The following ACCSL variants were observed in gnomAD, a reference collection of about 807,000 sequenced individuals.
ACCSL encodes the protein 1-aminocyclopropane-1-carboxylate synthase homolog (inactive) like, also known as probable inactive 1-aminocyclopropane-1-carboxylate synthase-like protein 2.
Under a neutral mutation model 61.7 loss-of-function variants are expected in ACCSL, and 55 were observed. The ratio of observed to expected loss-of-function variants is 0.89; its 90% CI spans 0.72 to 1.12. ACCSL has a LOEUF of 1.12. Among genes scored for constraint, ACCSL ranks in the 50% most tolerant of loss-of-function variants. ACCSL has a pLI of 0.00. For synonymous variants in ACCSL, 258 were observed against 264.3 expected (o/e 0.98, Z 0.23); for missense variants, 632 against 698.0 (o/e 0.91, Z 1.07).
the ACCSL span, among the ~76,000 whole-genome samples, chr11:43,963,771 T>C: frequency 6.6e-6 from 1 of 152,260 alleles, no homozygotes; most frequent in Non-Finnish European, 1.5e-5. Flanking sequence ...TGCATTGCTA[T>C]AATGAATGCC....
chr11:43,989,555 C>G, the ACCSL span, among the ~76,000 whole-genome samples: 1 of 152,246 alleles, frequency 6.6e-6, no homozygotes, highest in Non-Finnish European at 1.5e-5. Flanking sequence ...TTCCTCTGCC[C>G]CTCACTCCCA....
Position 44,056,077 on chromosome 11 carries a change from A to G in ACCSL, c.1177A>G (p.Thr393Ala). ...DSNRTHVIWG[T>A]SKDFGISGFR... Reference sequence around the variant, plus strand: ...CAACAGGACCCATGTGATCTGGGGTACCAGTAAGGTGAGCCATTGCTTTCT... The same window carrying G: ...CAACAGGACCCATGTGATCTGGGGTGCCAGTAAGGTGAGCCATTGCTTTCT... Residue 393 changes from threonine (T) to alanine (A), a missense_variant, in exon 10 of 14, where the codon ACC becomes GCC. By Grantham distance (58) the Thr-to-Ala change is moderately conservative. Transcript: ENST00000378832. 2 of 1,614,238 alleles carry G rather than the reference A, an allele frequency of 1.2e-6. No homozygotes were observed. The highest frequency in any genetic ancestry group is 1.1e-5 in the South Asian group (1 of 91,092).
chr11:44,000,948 G>C, the ACCSL span, among the ~76,000 whole-genome samples: 2 of 152,258 alleles, frequency 1.3e-5, no homozygotes, highest in South Asian at 2.1e-4. Flanking sequence ...CTGAGGCACC[G>C]ATAAGTTAAG....
intron 5 of ACCSL, 109 bp downstream of exon 5, chr11:44,051,828 TC>T: frequency 7.5e-7 from 1 of 1,337,934 alleles, no homozygotes; most frequent in African/African-American, 1.4e-5. Flanking sequence ...CAAGGCCTTT[TC>T]CCCAAAGTGG....
the ACCSL span, among the ~76,000 whole-genome samples, chr11:44,027,086 A>C: frequency 2.6e-5 from 4 of 152,146 alleles, no homozygotes; most frequent in African/African-American, 9.7e-5. Context: ...TCTGCTTGTT[A>C]GCTTACTGGT....
chr11:43,946,724 A>T, the ACCSL span, among the ~76,000 whole-genome samples: 5 of 152,192 alleles, frequency 3.3e-5, no homozygotes, highest in Admixed American at 6.5e-5. Context: ...TATAAAAGTG[A>T]TGTCTTATTT....
At chr11:44,033,612 A>AT in the ACCSL span, among the ~76,000 whole-genome samples, 1 of 152,130 alleles carries the variant, frequency 6.6e-6, no homozygotes, top group African/African-American at 2.4e-5. Flanking sequence ...CGGATTTGAA[A>AT]TGTGGGTGAC....
At chr11:44,003,382 G>T in the ACCSL span, among the ~76,000 whole-genome samples, 1 of 152,164 alleles carries the variant, frequency 6.6e-6, no homozygotes, top group African/African-American at 2.4e-5. Context: ...GCCTGGCATG[G>T]TGGCTCACAC....
the ACCSL span, among the ~76,000 whole-genome samples, chr11:43,974,255 T>C: frequency 6.6e-6 from 1 of 152,240 alleles, no homozygotes. Flanking sequence ...GTTGGCAGGA[T>C]TGGTTCCTTC....
Position 44,053,474 on chromosome 11 carries a change from C to G in ACCSL, c.1017C>G (p.Asp339Glu), listed in dbSNP as rs1166054675. ...CTCTGGGTGACATCTACTCCCCAGA[C>G]TCACTGATGAAATACCTGGAATTTG... is the stretch of plus-strand genomic sequence containing the variant. ...QNPLGDIYSPDSLMKYLEFAK... is the reference protein window; with the variant it reads ...QNPLGDIYSPESLMKYLEFAK... The change falls in exon 8 of 14, where the codon GAC (aspartate) becomes GAG (glutamate). Residue 339 changes from aspartate to glutamate, a missense_variant. Transcript: ENST00000378832. The G allele has an allele frequency of 6.2e-6, 10 of 1,614,168 alleles. No homozygotes were observed. The highest frequency in any genetic ancestry group is 8.5e-6 in the Non-Finnish European group (10 of 1,180,020).
At chr11:43,925,419 G>A in the ACCSL span, 5 of 456,088 alleles carry the variant, frequency 1.1e-5, no homozygotes, top group East Asian at 7.0e-5. Flanking sequence ...TCGTCTCCAC[G>A]CTGCACCAGC....
At chr11:43,996,103 G>T in the ACCSL span, among the ~76,000 whole-genome samples, 1 of 152,214 alleles carries the variant, frequency 6.6e-6, no homozygotes, top group African/African-American at 2.4e-5. Flanking sequence ...GCTCCCAGAA[G>T]CCAGGGGAAA....
chr11:43,996,406 C>T, the ACCSL span, among the ~76,000 whole-genome samples: 11 of 152,098 alleles, frequency 7.2e-5, no homozygotes, highest in African/African-American at 1.4e-4. Flanking sequence ...GAGATTGCCA[C>T]GCTCTGTTAA....
the ACCSL span, among the ~76,000 whole-genome samples, chr11:43,950,011 T>C: frequency 2.0e-5 from 3 of 152,346 alleles, no homozygotes; most frequent in South Asian, 4.1e-4. Flanking sequence ...CTGAGACAAA[T>C]GCATATCTGA....
chr11:44,037,859 T>TCATCCATCCGTGCATC, the ACCSL span, among the ~76,000 whole-genome samples: 60 of 132,206 alleles, frequency 4.5e-4, no homozygotes, highest in East Asian at 2.0e-3. Flanking sequence ...ATTATGGTAT[T>TCATCCATCCGTGCATC]CATCCATCCA....
the ACCSL span, among the ~76,000 whole-genome samples, chr11:43,934,371 C>T: frequency 4.7e-4 from 71 of 152,232 alleles, no homozygotes; most frequent in African/African-American, 1.7e-3. Flanking sequence ...GGGGGCAGGA[C>T]CACCCGAAAA....
At chr11:44,030,196 C>G in the ACCSL span, among the ~76,000 whole-genome samples, 1 of 150,208 alleles carries the variant, frequency 6.7e-6, no homozygotes, top group African/African-American at 2.5e-5. Flanking sequence ...TTTCTCTCTC[C>G]CCAGTAAATC....
chr11:43,978,783 GTTTTTTTTTTTTTTTT>G, the ACCSL span, among the ~76,000 whole-genome samples: 3 of 79,082 alleles, frequency 3.8e-5, no homozygotes, highest in Admixed American at 3.4e-4. Flanking sequence ...GAGAAGGTGG[GTTTTTTTTTTTTTTTT>G]TTTTTTTTTT....
chr11:44,039,614 C>A, the ACCSL span, among the ~76,000 whole-genome samples: 5 of 152,170 alleles, frequency 3.3e-5, no homozygotes, highest in African/African-American at 1.2e-4. Flanking sequence ...AGAACTTACT[C>A]ATGTAACCAA....
Sources: allele counts gnomAD v4.1 joint callset (sites outside exome capture counted in the v4.1 genomes callset), GRCh38; gene constraint gnomAD v4.1.1; transcripts MANE v1.5; gene names NCBI Gene and HGNC (gene_info 2026-07-23, HGNC 2026-07-21).